Variants in RFC3 observed in about 807,000 individuals in gnomAD.
RFC3 encodes replication factor C subunit 3.
In RFC3, 41 loss-of-function variants were observed where a neutral mutation model predicts 45.1. That is an observed-to-expected ratio of 0.91 (90% CI 0.71 to 1.18). The LOEUF is 1.18. Among genes scored for constraint, RFC3 ranks in the 50% most tolerant of loss-of-function variants. The pLI, the probability that RFC3 is intolerant of heterozygous loss-of-function variation, is 0.00. For synonymous variants in RFC3, 149 were observed against 144.0 expected (o/e 1.03, Z -0.25); for missense variants, 423 against 428.1 (o/e 0.99, Z 0.10).
At chr13:33,874,533 G>T (rs2082433369) in intron 8 of RFC3, among the ~76,000 whole-genome samples, 1 of 152,172 alleles carries the variant, frequency 6.6e-6, no homozygotes, top group African/African-American at 2.4e-5. Context: ...TGGCCAAGCT[G>T]GTCTCAAACT....
chr13:33,854,942 T>TAA (rs61011409), intron 8 of RFC3, among the ~76,000 whole-genome samples: 118,420 of 151,872 alleles, frequency 0.78, 48,219 homozygotes, highest in Non-Finnish European at 0.92. Flanking sequence ...AGTCAAAACT[T>TAA]AAGTCATCCT....
At chr13:33,897,974 C>G (rs1162678597) in intron 8 of RFC3, among the ~76,000 whole-genome samples, 1 of 151,724 alleles carries the variant, frequency 6.6e-6, no homozygotes, top group Non-Finnish European at 1.5e-5. Context: ...ATATACATAC[C>G]TACTATGTAC....
At chr13:33,833,665 A>G (rs562594134) in intron 7 of RFC3, among the ~76,000 whole-genome samples, 1 of 152,304 alleles carries the variant, frequency 6.6e-6, no homozygotes, top group South Asian at 2.1e-4. Flanking sequence ...TCCTGAATCA[A>G]CTTTTCAGAA....
intron 3 of RFC3, among the ~76,000 whole-genome samples, chr13:33,825,583 A>G (rs534116286): frequency 1.4e-3 from 215 of 152,230 alleles, no homozygotes; most frequent in African/African-American, 4.9e-3. Flanking sequence ...GTAACAACAT[A>G]TTTAGTGTTT....
At chr13:33,925,108 C>T (rs185045689) in intron 8 of RFC3, among the ~76,000 whole-genome samples, 2 of 147,984 alleles carry the variant, frequency 1.4e-5, no homozygotes, top group African/African-American at 5.1e-5. Flanking sequence ...TATATACACG[C>T]ATATATAGTG....
At chr13:33,924,754 G>C (rs1022635604) in intron 8 of RFC3, among the ~76,000 whole-genome samples, 2 of 148,338 alleles carry the variant, frequency 1.3e-5, no homozygotes, top group African/African-American at 4.9e-5. Flanking sequence ...TCAGGGCCTG[G>C]TGATTGAGGG....
At chr13:33,852,740 C>G (rs765255760) in intron 8 of RFC3, among the ~76,000 whole-genome samples, 2 of 152,134 alleles carry the variant, frequency 1.3e-5, no homozygotes, top group South Asian at 2.1e-4. Flanking sequence ...CTGATTTTTA[C>G]TTGTTTGCAT....
intron 8 of RFC3, among the ~76,000 whole-genome samples, chr13:33,896,488 C>G (rs1023978663): frequency 6.6e-6 from 1 of 151,462 alleles, no homozygotes; most frequent in African/African-American, 2.4e-5. Flanking sequence ...CTTTGGGAGG[C>G]CAAGAAGGGT....
In RFC3 at chr13:33,818,201, A is replaced by G. The variant is rs2081965103; in HGVS notation, c.23A>G (p.Tyr8Cys). The change falls in exon 1 of 9, where the codon TAT (tyrosine) becomes TGT (cysteine). Residue 8 changes from tyrosine (Y) to cysteine (C), a missense_variant. Tyr to Cys is a radical substitution (Grantham distance 194, BLOSUM62 -2). Coordinates refer to ENST00000380071, the MANE Select transcript of RFC3 (RefSeq NM_002915.4). MSLWVDK[Y>C]RPCSLGRLDY... ...GCCATGAGCCTCTGGGTGGACAAGT[A>G]TCGGCCCTGCTCCTTGGGACGGCTG... 1.9e-6 allele frequency: 3 copies of G among 1,613,556 alleles called. No homozygotes were observed. Among genetic ancestry groups the G allele is most frequent in the Admixed American group, 1.7e-5 (1 of 59,986 alleles).
At chr13:33,941,715 G>A (rs2082925250) in intron 8 of RFC3, among the ~76,000 whole-genome samples, 2 of 151,886 alleles carry the variant, frequency 1.3e-5, no homozygotes, top group Admixed American at 1.3e-4. Flanking sequence ...ATGTGACTAA[G>A]TGTAGATTTA....
downstream of RFC3, among the ~76,000 whole-genome samples, chr13:33,967,264 A>G (rs1362802470): frequency 2.0e-5 from 3 of 152,166 alleles, no homozygotes; most frequent in Non-Finnish European, 2.9e-5. Flanking sequence ...AAGCCAATGA[A>G]ATTTTATCCT....
intron 8 of RFC3, among the ~76,000 whole-genome samples, chr13:33,878,410 G>A (rs1287755805): frequency 6.6e-6 from 1 of 152,150 alleles, no homozygotes; most frequent in African/African-American, 2.4e-5. Flanking sequence ...TACCTTAAAG[G>A]TCAGAGGAGG....
At chr13:33,960,919 T>TC (rs1460469327) in intron 8 of RFC3, among the ~76,000 whole-genome samples, 1 of 152,178 alleles carries the variant, frequency 6.6e-6, no homozygotes, top group Non-Finnish European at 1.5e-5. Flanking sequence ...CTATGGTCAC[T>TC]CCATTATTCA....
In RFC3 at chr13:33,880,858, C is replaced by A. The variant is rs575384418; in HGVS notation, c.879+45641C>A. 5.6e-4 allele frequency among the ~76,000 whole-genome samples: 86 copies of A among 152,228 alleles called. 1 individual carries two copies. The highest frequency in any genetic ancestry group is 7.2e-4 in the Admixed American group (11 of 15,292). On this transcript the variant is annotated intron_variant, in intron 8 of 8. Coordinates refer to the RFC3 transcript ENST00000434425. ...AGATCACAAGGTCAGGAGTTCGAGACCAGCCTGGCCAATATAGTGAAACTC... is the reference window on the plus strand; with the variant it reads ...AGATCACAAGGTCAGGAGTTCGAGAACAGCCTGGCCAATATAGTGAAACTC...
chr13:33,971,850 G>A, the RFC3 span, among the ~76,000 whole-genome samples: 2 of 152,164 alleles, frequency 1.3e-5, no homozygotes, highest in Non-Finnish European at 2.9e-5. Flanking sequence ...AGTGGCTCAC[G>A]CCTGTAATCC....
chr13:33,942,293 C>G (rs968463697), intron 8 of RFC3, among the ~76,000 whole-genome samples: 58 of 151,828 alleles, frequency 3.8e-4, no homozygotes, highest in Admixed American at 6.6e-4. Flanking sequence ...GGCCTGAAGA[C>G]TGAAGGTATT....
chr13:33,853,207 A>G (rs190932558), intron 8 of RFC3, among the ~76,000 whole-genome samples: 93 of 152,258 alleles, frequency 6.1e-4, no homozygotes, highest in Non-Finnish European at 9.9e-4. Context: ...CAGACTTTTA[A>G]GACTCCCTCT....
chr13:33,874,993 T>G (rs887586884), intron 8 of RFC3, among the ~76,000 whole-genome samples: 8 of 152,180 alleles, frequency 5.3e-5, no homozygotes, highest in African/African-American at 1.7e-4. Flanking sequence ...CACCTGTGCT[T>G]TTGGTATTGA....
At chr13:33,834,102 A>G (rs902458729) in intron 7 of RFC3, among the ~76,000 whole-genome samples, 5 of 151,374 alleles carry the variant, frequency 3.3e-5, no homozygotes, top group Non-Finnish European at 7.4e-5. Context: ...GTACTGAGTT[A>G]AATTATTTGT....
Sources: allele counts gnomAD v4.1 joint callset (sites outside exome capture counted in the v4.1 genomes callset), GRCh38; gene constraint gnomAD v4.1.1; transcripts MANE v1.5; gene names NCBI Gene and HGNC (gene_info 2026-07-23, HGNC 2026-07-21).